Variants in TMEM132C observed in about 807,000 individuals in gnomAD.
TMEM132C encodes protein phosphatase 1, regulatory subunit 152.
A neutral mutation model predicts 61.4 loss-of-function variants in TMEM132C; 29 were observed. The observed-to-expected ratio is 0.47, with a 90% CI of 0.35 to 0.64. TMEM132C has a LOEUF of 0.64. Ranked by LOEUF, TMEM132C falls within the 30% of genes least tolerant of loss-of-function variation. TMEM132C has a pLI of 0.00. For missense variants in TMEM132C, 1,408 were observed against 1,476.9 expected, an observed-to-expected ratio of 0.95 and a Z score of 0.76; for synonymous variants, 656 against 633.1, an observed-to-expected ratio of 1.04 and a Z score of -0.54.
At chr12:128,540,164 G>A (rs73159893) in intron 2 of TMEM132C, among the ~76,000 whole-genome samples, 11,360 of 152,046 alleles carry the variant, frequency 0.075, 587 homozygotes, top group South Asian at 0.17. Context: ...TCCCTGCTGC[G>A]TGTTCTTTTT....
intron 2 of TMEM132C, among the ~76,000 whole-genome samples, chr12:128,525,339 TCTCTTTC>T (rs764492621): frequency 0.014 from 2,131 of 149,346 alleles, 39 homozygotes; most frequent in African/African-American, 0.05. Flanking sequence ...TCTCTCTCTC[TCTCTTTC>T]TCTCTCTCTC....
chr12:128,453,313 T>C (rs1170980951), intron 2 of TMEM132C, among the ~76,000 whole-genome samples: 2 of 152,190 alleles, frequency 1.3e-5, no homozygotes, highest in Non-Finnish European at 2.9e-5. Flanking sequence ...GATTTTCTCA[T>C]GCAGCTGCAA....
At chr12:128,314,768 C>G (rs535289328) in intron 1 of TMEM132C, among the ~76,000 whole-genome samples, 1 of 152,276 alleles carries the variant, frequency 6.6e-6, no homozygotes, top group South Asian at 2.1e-4. Context: ...CTCGTGGCTT[C>G]TAGCAGAACC....
At chr12:128,624,719 G>T (rs1452486587) in intron 4 of TMEM132C, among the ~76,000 whole-genome samples, 1 of 152,010 alleles carries the variant, frequency 6.6e-6, no homozygotes, top group Admixed American at 6.6e-5. Flanking sequence ...TTATTAATAA[G>T]AATAAAAGTA....
chr12:128,494,114 G>T (rs1378866801), intron 2 of TMEM132C, among the ~76,000 whole-genome samples: 1 of 152,134 alleles, frequency 6.6e-6, no homozygotes, highest in East Asian at 1.9e-4. Flanking sequence ...TAATCATGTG[G>T]TTTTTGTCTT....
intron 2 of TMEM132C, among the ~76,000 whole-genome samples, chr12:128,449,805 A>G (rs1277468271): frequency 6.6e-6 from 1 of 152,232 alleles, no homozygotes; most frequent in East Asian, 1.9e-4. Flanking sequence ...GCTTCCCAGG[A>G]AGGTGACTAG....
intron 4 of TMEM132C, among the ~76,000 whole-genome samples, chr12:128,622,578 C>T (rs1953978954): frequency 1.3e-5 from 2 of 151,006 alleles, no homozygotes; most frequent in African/African-American, 4.9e-5. Context: ...ATTCAGAGAC[C>T]CGGACGTACA....
At chr12:128,539,099 C>T (rs80295637) in intron 2 of TMEM132C, among the ~76,000 whole-genome samples, 6,697 of 152,226 alleles carry the variant, frequency 0.044, 259 homozygotes, top group Admixed American at 0.12. Context: ...AGAAAATTTT[C>T]GTTTCCCGGG....
chr12:128,568,687 G>A (rs1356173780), intron 3 of TMEM132C, among the ~76,000 whole-genome samples: 1 of 152,130 alleles, frequency 6.6e-6, no homozygotes, highest in Non-Finnish European at 1.5e-5. Flanking sequence ...AACCTCTCCT[G>A]ATACTGACAA....
At chr12:128,376,583 C>A (rs754337818) in intron 1 of TMEM132C, among the ~76,000 whole-genome samples, 1 of 152,018 alleles carries the variant, frequency 6.6e-6, no homozygotes, top group Non-Finnish European at 1.5e-5. Context: ...ATGTGGATGC[C>A]AACATGTGAT....
rs12366285 is a variant in TMEM132C at position 128,356,690 on chromosome 12, C to G, written c.86-58042C>G. On this transcript the variant is annotated intron_variant, in intron 1 of 8. Coordinates refer to ENST00000435159, the MANE Select transcript of TMEM132C (RefSeq NM_001136103.3). ...AAAATCAGTTTGCTGCTGACCAACC[C>G]GTACTTCTAGAGCACTGAGTAACCA... 4.7e-3 allele frequency among the ~76,000 whole-genome samples: 713 copies of G among 152,302 alleles called. 1 individual carries two copies. The highest frequency in any genetic ancestry group is 8.3e-3 in the South Asian group (40 of 4,830).
intron 1 of TMEM132C, among the ~76,000 whole-genome samples, chr12:128,335,338 TG>T (rs1872766277): frequency 6.6e-6 from 1 of 152,156 alleles, no homozygotes; most frequent in Non-Finnish European, 1.5e-5. Context: ...AATAAATAAC[TG>T]TAAATTTGCG....
chr12:128,508,482 G>T (rs1872456340), intron 2 of TMEM132C, among the ~76,000 whole-genome samples: 1 of 152,190 alleles, frequency 6.6e-6, no homozygotes, highest in Admixed American at 6.5e-5. Context: ...GATGCAGGGA[G>T]GCGGAGTGGG....
intron 1 of TMEM132C, among the ~76,000 whole-genome samples, chr12:128,366,249 T>A (rs1335943388): frequency 6.6e-6 from 1 of 152,180 alleles, no homozygotes; most frequent in Admixed American, 6.5e-5. Context: ...TTTTCCTTTT[T>A]TACCTCCCCT....
intron 2 of TMEM132C, among the ~76,000 whole-genome samples, chr12:128,473,406 T>G (rs1871039729): frequency 6.7e-6 from 1 of 149,496 alleles, no homozygotes; most frequent in African/African-American, 2.5e-5. Flanking sequence ...TCATTTTCAC[T>G]CCAGCCTCCA....
intron 1 of TMEM132C, among the ~76,000 whole-genome samples, chr12:128,316,534 G>A (rs1243149064): frequency 6.6e-6 from 1 of 152,162 alleles, no homozygotes. Context: ...TGGAAACCAG[G>A]CTTTGCAATA....
chr12:128,534,813 C>G (rs569340468), intron 2 of TMEM132C, among the ~76,000 whole-genome samples: 1 of 152,194 alleles, frequency 6.6e-6, no homozygotes, highest in Non-Finnish European at 1.5e-5. Flanking sequence ...TGCATTTCTC[C>G]CATTTCTGTG....
intron 1 of TMEM132C, among the ~76,000 whole-genome samples, chr12:128,389,521 C>A (rs1203788434): frequency 1.3e-5 from 2 of 152,154 alleles, no homozygotes; most frequent in Non-Finnish European, 1.5e-5. Context: ...AACATAGGTA[C>A]CATGCTAGCA....
intron 2 of TMEM132C, among the ~76,000 whole-genome samples, chr12:128,542,235 T>A (rs1873783639): frequency 6.6e-6 from 1 of 152,204 alleles, no homozygotes; most frequent in South Asian, 2.1e-4. Context: ...ACTCCCAGTT[T>A]CCAGTTTCCC....
Sources: allele counts gnomAD v4.1 joint callset (sites outside exome capture counted in the v4.1 genomes callset), GRCh38; gene constraint gnomAD v4.1.1; transcripts MANE v1.5; gene names NCBI Gene and HGNC (gene_info 2026-07-23, HGNC 2026-07-21).